ZBTB7A: variants seen among roughly 807,000 people sequenced by gnomAD.
ZBTB7A encodes zinc finger and BTB domain containing 7A, also known as zinc finger and BTB domain-containing protein 7A.
Under a neutral mutation model 26.7 loss-of-function variants are expected in ZBTB7A, and 7 were observed. That is an observed-to-expected ratio of 0.26 (90% CI 0.15 to 0.49). The LOEUF is 0.49. Among genes scored for constraint, ZBTB7A ranks in the 20% least tolerant of loss-of-function variants. The pLI is 0.98. For missense variants in ZBTB7A, 617 were observed against 919.5 expected, an observed-to-expected ratio of 0.67 and a Z score of 4.25; for synonymous variants, 452 against 441.0, an observed-to-expected ratio of 1.02 and a Z score of -0.31.
At chr19:4,061,168 C>G (rs1200043837) in intron 1 of ZBTB7A, among the ~76,000 whole-genome samples, 1 of 152,210 alleles carries the variant, frequency 6.6e-6, no homozygotes, top group Non-Finnish European at 1.5e-5. Context: ...GGCTGTTCAC[C>G]ACCCCTCACG....
Position 4,054,546 on chromosome 19 carries a change from G to C in ZBTB7A, c.687C>G (p.Pro229=). The C allele has an allele frequency of 1.4e-6, 2 of 1,461,640 alleles. No individual in the cohort carries two copies. Among genetic ancestry groups the C allele is most frequent in the Non-Finnish European group, 1.8e-6 (2 of 1,118,236 alleles). The allele number at this position is 1,461,640 out of a possible 1,614,324, so 90.5% of individuals were successfully genotyped here. Residue 229 remains proline, a synonymous_variant, in exon 2 of 3, where the codon CCC becomes CCG. Transcript: ENST00000322357. The part of the protein sequence containing the change: ...FYGPGPPAER[P]PTGDGDEGDS... ...CGCCCTCGTCCCCGTCCCCCGTCGG[G>C]GGCCGCTCGGCCGGGGGGCCCGGCC...
chr19:4,049,419 A>C (rs2040473294), intron 2 of ZBTB7A, among the ~76,000 whole-genome samples: 1 of 151,098 alleles, frequency 6.6e-6, no homozygotes, highest in Non-Finnish European at 1.5e-5. Flanking sequence ...GGATGAGGCC[A>C]GCCAGTGCCT....
intron 2 of ZBTB7A, among the ~76,000 whole-genome samples, chr19:4,053,115 A>G (rs954194291): frequency 4.6e-5 from 7 of 152,218 alleles, no homozygotes; most frequent in African/African-American, 1.7e-4. Flanking sequence ...AAAAAATCCA[A>G]AAGTGCAGAA....
chr19:4,049,392 C>CA (rs1225600914), intron 2 of ZBTB7A, among the ~76,000 whole-genome samples: 2 of 150,674 alleles, frequency 1.3e-5, no homozygotes, highest in Non-Finnish European at 3.0e-5. Context: ...CTCCATCCTG[C>CA]CCCTACCCCT....
Position 4,052,717 on chromosome 19 carries a change from G to GT in ZBTB7A, c.1262+1253_1262+1254insA. On this transcript the variant is annotated intron_variant, in intron 2 of 2. Transcript: ENST00000322357. This position sits in a 1 kb window ranked among gnomAD's most constrained non-coding sequence, Gnocchi z 4.9. ...CCGCTACAGCCCGCCCCGGATCTAC[G>GT]AGGCCCAGCCAGCCACCTCTGGACT... Among the ~76,000 whole-genome samples the GT allele has an allele frequency of 6.6e-6, 1 of 152,082 alleles. No individual in the cohort carries two copies. Among genetic ancestry groups the GT allele is most frequent in the Non-Finnish European group, 1.5e-5 (1 of 68,006 alleles).
intron 2 of ZBTB7A, among the ~76,000 whole-genome samples, chr19:4,053,498 C>T (rs7247173): frequency 0.93 from 141,346 of 151,292 alleles, 66,107 homozygotes; most frequent in African/African-American, 0.98. Context: ...TGTGTGCGTG[C>T]CTGGGTGTGC....
rs1246158771 is a variant in ZBTB7A at position 4,065,739 on chromosome 19, C to G, written c.-16+943G>C. The G allele has an allele frequency of 9.7e-5, 9 of 92,794 alleles. No homozygotes were observed. The African/African-American group carries it at 2.2e-3, about 23-fold the overall frequency. 5.7% of individuals were successfully genotyped at this position (92,794 alleles called of 1,614,324 possible). A position where few individuals can be genotyped will look rare whatever the true frequency, so the allele number is the denominator to read the frequency against. ...TCCCCGGGGAGCGCGGGGAGGGTGA[C>G]CCCCCCCCCACGGGCGGGGGGCCGA... On this transcript the variant is annotated intron_variant, in intron 1 of 2. Transcript: ENST00000322357.
Position 4,048,178 on chromosome 19 carries a change from G to T in ZBTB7A, c.1329C>A (p.Cys443Ter). ...CGTAGTTGTGGGCAAAGGCGGCGCCGCACTGCTGGCACAGGTACGGCTTCT... is the reference window on the plus strand; with the variant it reads ...CGTAGTTGTGGGCAAAGGCGGCGCCTCACTGCTGGCACAGGTACGGCTTCT... ...TGEKPYLCQQ[C>*]GAAFAHNYDL... The change falls in exon 3 of 3, where the codon TGC becomes TGA. Residue 443 changes from cysteine (C) to a stop codon, truncating the protein, a stop_gained. Coordinates refer to ENST00000322357, the MANE Select transcript of ZBTB7A (RefSeq NM_015898.4). LOFTEE classifies it low-confidence loss of function (END_TRUNC). The surrounding 1 kb of genome is among the most constrained non-coding windows in gnomAD (Gnocchi z 6.7). 1 of 1,606,806 alleles carries T rather than the reference G, an allele frequency of 6.2e-7. No individual in the cohort carries two copies.
At position 4,054,698 on chromosome 19, in the gene ZBTB7A, C is replaced by T. The variant is rs755356673; in HGVS notation, c.535G>A (p.Ala179Thr). 13 of 1,582,850 alleles carry T rather than the reference C, an allele frequency of 8.2e-6. No homozygotes were observed. The highest frequency in any genetic ancestry group is 2.3e-5 in the East Asian group (1 of 43,140). The change falls in exon 2 of 3, where the codon GCC (alanine) becomes ACC (threonine). Residue 179 changes from alanine to threonine, a missense_variant. Transcript: ENST00000322357. ...GCGGACCACGGGAAGCTGGCAGCGG[C>T]GGCGGCGGCCGCGGGGGGCAGGCTG... ...MNSLPPAAAA[A>T]AASFPWSAFG...
intron 2 of ZBTB7A, 72 bp downstream of exon 2, chr19:4,053,899 C>T (rs1377395144): frequency 4.0e-6 from 6 of 1,487,648 alleles, no homozygotes; most frequent in African/African-American, 1.4e-5. Flanking sequence ...GGGAGAGAGG[C>T]GGGAGGGGTC....
chr19:4,065,097 C>T (rs1472497002), intron 1 of ZBTB7A, among the ~76,000 whole-genome samples: 2 of 151,600 alleles, frequency 1.3e-5, no homozygotes, highest in African/African-American at 4.8e-5. Context: ...GGGGCTGGAT[C>T]CCACCAGCTC....
Position 4,048,871 on chromosome 19 carries a change from G to A in ZBTB7A, c.1263-627C>T, listed in dbSNP as rs950247693. Among the ~76,000 whole-genome samples, 9 of 151,240 alleles carry A rather than the reference G, an allele frequency of 6.0e-5. No individual in the cohort carries two copies. Among genetic ancestry groups the A allele is most frequent in the East Asian group, 2.0e-4 (1 of 5,082 alleles). On this transcript the variant is annotated intron_variant, in intron 2 of 2. Transcript: ENST00000322357. This position sits in a 1 kb window ranked among gnomAD's most constrained non-coding sequence, Gnocchi z 6.7. The stretch of plus-strand genomic sequence containing the variant: ...GTCTCAAAAAACAAATCTGCCAGGC[G>A]TGGTGGCGCAGGCCTATAATCCCAG...
Position 4,047,678 on chromosome 19 carries a change from G to A in ZBTB7A, c.*74C>T, listed in dbSNP as rs916892837. ...AGATTTTCTTTTTTTGTGTTTTTGG[G>A]GGGGTGGTGGGTGATTTTTTTTCTC... is the stretch of plus-strand genomic sequence containing the variant. On this transcript the variant is annotated 3_prime_UTR_variant, in exon 3 of 3. Transcript: ENST00000322357. 4 of 1,516,632 alleles carry A rather than the reference G, an allele frequency of 2.6e-6. No homozygotes were observed. Among genetic ancestry groups the A allele is most frequent in the East Asian group, 4.8e-5 (2 of 41,430 alleles). 93.9% of individuals were successfully genotyped at this position (1,516,632 alleles called of 1,614,324 possible). A position where few individuals can be genotyped will look rare whatever the true frequency, so the allele number is the denominator to read the frequency against.
In ZBTB7A at chr19:4,045,997, G is replaced by A; in HGVS notation, c.*1755C>T. On this transcript the variant is annotated 3_prime_UTR_variant, in exon 3 of 3. Coordinates refer to ENST00000322357, the MANE Select transcript of ZBTB7A (RefSeq NM_015898.4). The surrounding 1 kb of genome is among the most constrained non-coding windows in gnomAD (Gnocchi z 4.1). ...GGCGCATCCAAGGTCCAGCTCCTTG[G>A]TGGCCATGCGGGAGGGACAGGCGTG... The A allele has an allele frequency of 5.0e-6, 2 of 398,958 alleles. No homozygotes were observed. Among genetic ancestry groups the A allele is most frequent in the Admixed American group, 4.4e-5 (1 of 22,734 alleles). 24.7% of individuals were successfully genotyped at this position (398,958 alleles called of 1,614,324 possible).
chr19:4,065,748 C>CT (rs1222555611), intron 1 of ZBTB7A: 5 of 138,292 alleles, frequency 3.6e-5, no homozygotes, highest in African/African-American at 1.3e-4. Flanking sequence ...ACCCCCCCCC[C>CT]ACGGGCGGGG....
At position 4,054,547 on chromosome 19, in the gene ZBTB7A, G is replaced by T; in HGVS notation, c.686C>A (p.Pro229His). ...GCCCTCGTCCCCGTCCCCCGTCGGG[G>T]GCCGCTCGGCCGGGGGGCCCGGCCC... ...FYGPGPPAER[P>H]PTGDGDEGDS... Residue 229 changes from proline (P) to histidine (H), a missense_variant, in exon 2 of 3, where the codon CCC becomes CAC. Pro to His is a moderately conservative substitution (Grantham distance 77). Transcript: ENST00000322357. 1 of 1,462,006 alleles carries T rather than the reference G, an allele frequency of 6.8e-7. No homozygotes were observed. The highest frequency in any genetic ancestry group is 1.4e-5 in the African/African-American group (1 of 69,550). 90.6% of individuals were successfully genotyped at this position (1,462,006 alleles called of 1,614,324 possible). A position where few individuals can be genotyped will look rare whatever the true frequency, so the allele number is the denominator to read the frequency against.
chr19:4,046,100 G>T lies in ZBTB7A; in HGVS notation c.*1652C>A, dbSNP rs985003265. On this transcript the variant is annotated 3_prime_UTR_variant, in exon 3 of 3. Coordinates refer to ENST00000322357, the MANE Select transcript of ZBTB7A (RefSeq NM_015898.4). ...CCATCCCTGAGCTAGGGAGGAGGAA[G>T]GAGAGACCCCGTGGACAGAAGCGGG... 2.5e-6 allele frequency: 1 copy of T among 399,032 alleles called. No homozygotes were observed. 24.7% of individuals were successfully genotyped at this position (399,032 alleles called of 1,614,324 possible).
At chr19:4,060,242 G>C (rs2040625463) in intron 1 of ZBTB7A, among the ~76,000 whole-genome samples, 1 of 152,262 alleles carries the variant, frequency 6.6e-6, no homozygotes, top group East Asian at 1.9e-4. Flanking sequence ...CGCATAGTAG[G>C]GGCGCAGCAA....
At chr19:4,053,908 T>C (rs909087351) in intron 2 of ZBTB7A, 63 bp downstream of exon 2, 1 of 1,485,870 alleles carries the variant, frequency 6.7e-7, no homozygotes, top group Non-Finnish European at 8.9e-7. Context: ...GCGGGAGGGG[T>C]CGTGAGCGGC....
Sources: gnomAD v4.1 joint callset for allele counts (sites outside exome capture counted in the v4.1 genomes callset) on GRCh38, gnomAD v4.1.1 for gene constraint, Gnocchi (gnomAD v3.1) non-coding constraint, MANE v1.5 for transcripts, NCBI Gene and HGNC (gene_info 2026-07-23, HGNC 2026-07-21) for gene names.